SCGB1C1: variants seen among roughly 807,000 people sequenced by gnomAD.
SCGB1C1 encodes the protein secretoglobin family 1C member 1, also known as ligand binding protein RYD5.
Under a neutral mutation model 8.9 loss-of-function variants are expected in SCGB1C1, and 2 were observed. That is an observed-to-expected ratio of 0.23 (90% CI 0.09 to 0.71). The LOEUF (loss-of-function observed/expected upper bound fraction) is 0.71. Among genes scored for constraint, SCGB1C1 ranks in the 30% least tolerant of loss-of-function variants. SCGB1C1 has a pLI of 0.78. For missense variants in SCGB1C1, 25 were observed against 112.7 expected, an observed-to-expected ratio of 0.22 and a Z score of 3.52; for synonymous variants, 6 against 45.8, an observed-to-expected ratio of 0.13 and a Z score of 3.51.
chr11:190,259 TG>T (rs1854774371), upstream of SCGB1C1, among the ~76,000 whole-genome samples: 1 of 149,358 alleles, frequency 6.7e-6, no homozygotes, highest in Non-Finnish European at 1.5e-5. Flanking sequence ...TGCGGGCAGA[TG>T]GGGACTAGGC....
rs1485507031 is a variant in SCGB1C1 at position 194,075 on chromosome 11, G to A, written c.255+164G>A. Among the ~76,000 whole-genome samples, 9 of 134,674 alleles carry A rather than the reference G, an allele frequency of 6.7e-5. No homozygotes were observed. The East Asian group carries it at 9.6e-4, about 14-fold the overall frequency. 88.4% of individuals were successfully genotyped at this position (134,674 alleles called of 152,430 possible). ...GGACACCCCAGACCTCCTGTCCACCGAGCAGCCCCCAGACTCCATAGACCT... is the reference window on the plus strand; with the variant it reads ...GGACACCCCAGACCTCCTGTCCACCAAGCAGCCCCCAGACTCCATAGACCT... On this transcript the variant is annotated intron_variant, in intron 2 of 2. Coordinates refer to ENST00000342878, the MANE Select transcript of SCGB1C1 (RefSeq NM_145651.3).
upstream of SCGB1C1, among the ~76,000 whole-genome samples, chr11:190,953 G>GGGGGAACGATTAA (rs1854794304): frequency 6.6e-6 from 1 of 151,810 alleles, no homozygotes; most frequent in African/African-American, 2.4e-5. Context: ...GTTCTAGGGT[G>GGGGGAACGATTAA]TTTCTTTCTG....
chr11:191,403 T>G, upstream of SCGB1C1, among the ~76,000 whole-genome samples: 1 of 107,006 alleles, frequency 9.3e-6, no homozygotes, highest in Non-Finnish European at 1.9e-5. Context: ...GATTTCTTAA[T>G]ATTTAAAGTT....
At chr11:193,419 A>C (rs1337337127) in intron 1 of SCGB1C1, among the ~76,000 whole-genome samples, 1 of 151,438 alleles carries the variant, frequency 6.6e-6, no homozygotes. Flanking sequence ...TCTGGTCATA[A>C]TAGCCTCTCA....
upstream of SCGB1C1, among the ~76,000 whole-genome samples, chr11:189,619 T>C: frequency 6.6e-6 from 1 of 152,164 alleles, no homozygotes; most frequent in Non-Finnish European, 1.5e-5. Context: ...GGTGGAGCGT[T>C]GTAGGCGCAG....
Position 193,800 on chromosome 11 carries a change from G to T in SCGB1C1, c.144G>T (p.Gly48=). Reference sequence around the variant, plus strand: ...GGACCCCAGAGGAGCTCTATGAGGGGACCTTGGGCAAGTACAATGTCAACG... The same window carrying T: ...GGACCCCAGAGGAGCTCTATGAGGGTACCTTGGGCAAGTACAATGTCAACG... ...LVGTPEELYE[G]TLGKYNVNED... Residue 48 remains glycine (G), a synonymous_variant, in exon 2 of 3, where the codon GGG becomes GGT. Coordinates refer to ENST00000342878, the MANE Select transcript of SCGB1C1 (RefSeq NM_145651.3). 1 of 1,609,956 alleles carries T rather than the reference G, an allele frequency of 6.2e-7. No homozygotes were observed. The highest frequency in any genetic ancestry group is 8.5e-7 in the Non-Finnish European group (1 of 1,177,686).
chr11:191,647 C>A (rs1343146024), upstream of SCGB1C1, among the ~76,000 whole-genome samples: 1 of 150,714 alleles, frequency 6.6e-6, no homozygotes, highest in East Asian at 2.0e-4. Flanking sequence ...AATGTGGTTA[C>A]AATTGAAAAC....
upstream of SCGB1C1, among the ~76,000 whole-genome samples, chr11:191,817 CCCCTAA>C (rs1854812700): frequency 2.7e-5 from 1 of 36,384 alleles, no homozygotes; most frequent in African/African-American, 8.7e-5. Flanking sequence ...CTAACCCTAA[CCCCTAA>C]CCCCTAACCC....
At chr11:191,719 C>G (rs1375649040), upstream of SCGB1C1, among the ~76,000 whole-genome samples, 2 of 152,274 alleles carry the variant, frequency 1.3e-5, no homozygotes, top group Admixed American at 6.5e-5. Flanking sequence ...TTAAAAATGA[C>G]AAATTGCTGA....
At chr11:191,843 CCCTAA>C (rs376987591), upstream of SCGB1C1, among the ~76,000 whole-genome samples, 1,141 of 42,324 alleles carry the variant, frequency 0.027, 1 homozygote, top group African/African-American at 0.054. Context: ...CTAACCCTAA[CCCTAA>C]CCCTAACCCC....
chr11:191,970 C>A (rs1854821312), upstream of SCGB1C1, among the ~76,000 whole-genome samples: 1 of 152,288 alleles, frequency 6.6e-6, no homozygotes, highest in South Asian at 2.1e-4. Context: ...ACCCTAAACC[C>A]CTTACTGTAA....
upstream of SCGB1C1, among the ~76,000 whole-genome samples, chr11:189,384 T>A (rs1412083375): frequency 6.6e-6 from 1 of 152,296 alleles, no homozygotes; most frequent in Non-Finnish European, 1.5e-5. Flanking sequence ...CATGGTCGTG[T>A]CCTTAATCTT....
At chr11:194,338 G>A in intron 2 of SCGB1C1, 80 bp from the exon 3 acceptor site, 3 of 1,166,420 alleles carry the variant, frequency 2.6e-6, no homozygotes, top group Non-Finnish European at 3.8e-6. Flanking sequence ...CCCCCACTGA[G>A]GGCCTTGCTT....
chr11:190,647 C>T (rs1388971249), upstream of SCGB1C1, among the ~76,000 whole-genome samples: 1 of 152,300 alleles, frequency 6.6e-6, no homozygotes, highest in East Asian at 1.9e-4. Flanking sequence ...GCCTTAGCTC[C>T]CCAACTTGCC....
In SCGB1C1 at chr11:193,915, T is replaced by G; in HGVS notation, c.255+4T>G. 6.8e-7 allele frequency: 1 copy of G among 1,474,350 alleles called. No individual in the cohort carries two copies. Among genetic ancestry groups the G allele is most frequent in the Non-Finnish European group, 9.2e-7 (1 of 1,084,076 alleles). The allele number at this position is 1,474,350 out of a possible 1,614,324, so 91.3% of individuals were successfully genotyped here. On this transcript the variant is annotated splice_donor_region_variant and intron_variant, in intron 2 of 2. Transcript: ENST00000342878. ...GGCGGAGCTGGTCAAGCTGCTGGTA[T>G]GAGGGCGGCGGGCACCCCATTTTCT...
chr11:189,467 C>G (rs1453493824), upstream of SCGB1C1, among the ~76,000 whole-genome samples: 2 of 128,930 alleles, frequency 1.6e-5, no homozygotes, highest in East Asian at 2.0e-4. Flanking sequence ...GGCGCGCGGG[C>G]GCCGGCGCAC....
At chr11:189,597 C>G (rs2979431), upstream of SCGB1C1, among the ~76,000 whole-genome samples, 7 of 137,622 alleles carry the variant, frequency 5.1e-5, no homozygotes, top group Admixed American at 2.2e-4. Flanking sequence ...GCCACCGGGA[C>G]GAGAGCGCGG....
chr11:192,322 C>T (rs1197427511), upstream of SCGB1C1, among the ~76,000 whole-genome samples: 1 of 152,000 alleles, frequency 6.6e-6, no homozygotes, highest in Non-Finnish European at 1.5e-5. Context: ...TGTAATATGT[C>T]CTGGGACCAT....
chr11:190,303 T>C (rs1241974243), upstream of SCGB1C1, among the ~76,000 whole-genome samples: 59 of 141,414 alleles, frequency 4.2e-4, no homozygotes, highest in African/African-American at 1.3e-3. Flanking sequence ...GACGGCCTCC[T>C]GCACCACTAA....
Sources: gnomAD v4.1 joint callset for allele counts (sites outside exome capture counted in the v4.1 genomes callset) on GRCh38, gnomAD v4.1.1 for gene constraint, MANE v1.5 for transcripts, NCBI Gene and HGNC (gene_info 2026-07-23, HGNC 2026-07-21) for gene names.